Variants in ELN observed in about 807,000 individuals in gnomAD.
The protein encoded by ELN is elastin.
ELN carries 65 observed loss-of-function variants against 105.8 expected under a neutral mutation model. The ratio of observed to expected loss-of-function variants is 0.61; its 90% CI spans 0.50 to 0.75. The LOEUF is 0.75. ELN is among the 30% of genes least tolerant of loss of function. The probability of loss-of-function intolerance (pLI) is 0.00; values close to 1 mark genes in which losing one functional copy is unlikely to be tolerated. For synonymous variants in ELN, 368 were observed against 389.2 expected, an observed-to-expected ratio of 0.95 and a Z score of 0.64; for missense variants, 882 against 969.4, an observed-to-expected ratio of 0.91 and a Z score of 1.20.
At chr7:74,061,006 C>G (rs1482113916) in intron 25 of ELN, 95 bp from the exon 26 acceptor site, 41 of 1,483,470 alleles carry the variant, frequency 2.8e-5, no homozygotes, top group Middle Eastern at 1.7e-4. Flanking sequence ...CAATAGAGGC[C>G]AAGGAAGTCA....
At chr7:74,037,612 CCA>C (rs781967059) in intron 3 of ELN, 93 bp from the exon 4 acceptor site, 7 of 1,543,584 alleles carry the variant, frequency 4.5e-6, no homozygotes, top group Non-Finnish European at 6.2e-6. Flanking sequence ...GTGTGTGATT[CCA>C]CACTGCCCAC....
intron 12 of ELN, 93 bp from the exon 13 acceptor site, chr7:74,047,582 T>G: frequency 6.4e-7 from 1 of 1,565,778 alleles, no homozygotes; most frequent in Non-Finnish European, 8.8e-7. Flanking sequence ...GTCTCAAGCT[T>G]TAGCACCTGT....
intron 32 of ELN, among the ~76,000 whole-genome samples, chr7:74,068,432 T>C (rs1798464284): frequency 6.6e-6 from 1 of 152,202 alleles, no homozygotes; most frequent in Non-Finnish European, 1.5e-5. Context: ...TGCCCCCTTT[T>C]CTGCGAGCGT....
Position 74,068,686 on chromosome 7 carries a change from C to T in ELN, c.2161C>T (p.Arg721Trp), listed in dbSNP as rs28763987. 14 of 1,614,068 alleles carry T rather than the reference C, an allele frequency of 8.7e-6. No individual in the cohort carries two copies. Among genetic ancestry groups the T allele is most frequent in the Middle Eastern group, 3.3e-4 (2 of 6,062 alleles). The change falls in exon 33 of 33, where the codon CGG (arginine) becomes TGG (tryptophan). Residue 721 changes from arginine (R) to tryptophan (W), a missense_variant. Coordinates refer to ENST00000252034, the MANE Select transcript of ELN (RefSeq NM_000501.4). ...GGCCTGCCTGGGGAAAGCTTGTGGC[C>T]GGAAGAGAAAATGAGCTTCCTAGGA... The part of the protein sequence containing the change: ...GGACLGKACG[R>W]KRK
At chr7:74,047,158 G>A (rs1554672969) in intron 12 of ELN, among the ~76,000 whole-genome samples, 1 of 152,200 alleles carries the variant, frequency 6.6e-6, no homozygotes, top group Non-Finnish European at 1.5e-5. Flanking sequence ...CTGGGTACAG[G>A]TGTCTCTGGT....
At chr7:74,029,888 T>A (rs782146322) in intron 1 of ELN, among the ~76,000 whole-genome samples, 19 of 152,160 alleles carry the variant, frequency 1.2e-4, no homozygotes, top group Admixed American at 3.3e-4. Context: ...GCTAAGGCAG[T>A]CCCCGGGGGT....
At chr7:74,057,217 G>A (rs1490719354) in intron 21 of ELN, among the ~76,000 whole-genome samples, 1 of 151,866 alleles carries the variant, frequency 6.6e-6, no homozygotes, top group Non-Finnish European at 1.5e-5. Context: ...CAGCCTGGGT[G>A]ACAGAGCAAG....
At position 74,046,058 on chromosome 7, in the gene ELN, C is replaced by A. The variant is rs1792425964; in HGVS notation, c.542-130C>A. ...CTCCGAAAAAAGAAACCCCAGAGTT[C>A]ATGTGAGCGCAGCATGCGATGACTG... On this transcript the variant is annotated intron_variant, in intron 10 of 32. Coordinates refer to ENST00000252034, the MANE Select transcript of ELN (RefSeq NM_000501.4). 3.1e-6 allele frequency: 4 copies of A among 1,285,906 alleles called. No individual in the cohort carries two copies. In the South Asian group the frequency reaches 3.6e-5, roughly 12 times the overall value. 79.7% of individuals were successfully genotyped at this position (1,285,906 alleles called of 1,614,324 possible).
intron 26 of ELN, among the ~76,000 whole-genome samples, chr7:74,061,513 G>A (rs1336967720): frequency 1.3e-5 from 2 of 152,102 alleles, no homozygotes; most frequent in Admixed American, 1.3e-4. Context: ...TTAGCCAGGT[G>A]TGGTGGCGGG....
In ELN at chr7:74,056,290, AGTTGGAGGCATTCCTACTTACGGG is replaced by A. The variant is rs781838239; in HGVS notation, c.1178_1201del (p.Gly393_Gly400del). 4.0e-4 allele frequency: 645 copies of A among 1,613,776 alleles called. 1 individual carries two copies. The highest frequency in any genetic ancestry group is 6.3e-4 in the Admixed American group (38 of 59,982). On this transcript the variant is annotated inframe_deletion, in exon 20 of 33. Transcript: ENST00000252034. ...CTGCAGGGGCCAGGCCCGGAGTCGG[AGTTGGAGGCATTCCTACTTACGGG>A]GTTGGAGCTGGGGGCTTTCCCGGCT...
Position 74,047,765 on chromosome 7 carries a change from AG to A in ELN, c.685+52del, listed in dbSNP as rs782286420. 28 of 1,613,244 alleles carry A rather than the reference AG, an allele frequency of 1.7e-5. 1 individual carries two copies. The South Asian group carries it at 2.6e-4, about 15-fold the overall frequency. ...TGGGCTTCCAGCTCTTTCCCTCTCC[AG>A]GGTCCTAGCAAGGGTGCTGTGCTTC... On this transcript the variant is annotated intron_variant, in intron 13 of 32. Transcript: ENST00000252034.
At chr7:74,035,812 G>C (rs1431536998) in intron 2 of ELN, 1 of 321,520 alleles carries the variant, frequency 3.1e-6, no homozygotes, top group Non-Finnish European at 6.0e-6. Context: ...AGTGGTGCAC[G>C]CCTGTAGTCC....
chr7:74,033,253 C>T (rs544752130), intron 1 of ELN, among the ~76,000 whole-genome samples: 49 of 152,346 alleles, frequency 3.2e-4, no homozygotes, highest in Non-Finnish European at 2.8e-4. Flanking sequence ...CTTCCCCCCA[C>T]CTCCACCACA....
intron 3 of ELN, 85 bp from the exon 4 acceptor site, chr7:74,037,622 C>G: frequency 6.4e-7 from 1 of 1,561,616 alleles, no homozygotes; most frequent in Admixed American, 1.9e-5. Flanking sequence ...CCACACTGCC[C>G]ACACTTTGCC....
chr7:74,069,208 C>T lies in ELN; in HGVS notation c.*508C>T. 3.9e-6 allele frequency: 1 copy of T among 253,832 alleles called. No homozygotes were observed. Among genetic ancestry groups the T allele is most frequent in the Non-Finnish European group, 7.7e-6 (1 of 129,492 alleles). 15.7% of individuals were successfully genotyped at this position (253,832 alleles called of 1,614,324 possible). On this transcript the variant is annotated 3_prime_UTR_variant, in exon 33 of 33. Coordinates refer to ENST00000252034, the MANE Select transcript of ELN (RefSeq NM_000501.4). The stretch of plus-strand genomic sequence containing the variant: ...CTCAAAGCTGGATTCGCTCTAGCAT[C>T]CCTCCTCTCCTGGGTCCACTTGGCC...
intron 1 of ELN, among the ~76,000 whole-genome samples, chr7:74,029,497 G>A (rs1554661003): frequency 6.6e-6 from 1 of 152,108 alleles, no homozygotes; most frequent in Non-Finnish European, 1.5e-5. Flanking sequence ...GGTTTCCTCG[G>A]GAGTCCTCCT....
intron 18 of ELN, among the ~76,000 whole-genome samples, chr7:74,053,844 G>C (rs1794683560): frequency 6.6e-6 from 1 of 151,498 alleles, no homozygotes; most frequent in South Asian, 2.1e-4. Context: ...GGATGGGTGT[G>C]GGATGGATAG....
chr7:74,037,196 CTTT>C (rs532604614), intron 3 of ELN, among the ~76,000 whole-genome samples: 5 of 138,250 alleles, frequency 3.6e-5, no homozygotes, highest in Admixed American at 7.4e-5. Flanking sequence ...GCACCATCTT[CTTT>C]TTTTTTTTTT....
intron 5 of ELN, among the ~76,000 whole-genome samples, chr7:74,041,621 C>A (rs558718107): frequency 6.6e-6 from 1 of 152,280 alleles, no homozygotes; most frequent in Admixed American, 6.5e-5. Flanking sequence ...GTGAGAGGAT[C>A]CCTTGAGCCC....
Sources: gnomAD v4.1 joint callset for allele counts (sites outside exome capture counted in the v4.1 genomes callset) on GRCh38, gnomAD v4.1.1 for gene constraint, MANE v1.5 for transcripts, NCBI Gene and HGNC (gene_info 2026-07-23, HGNC 2026-07-21) for gene names.